The following VDAC2 variants were observed in gnomAD, a reference collection of about 807,000 sequenced individuals.
VDAC2 encodes voltage dependent anion channel 2.
Under a neutral mutation model 36.6 loss-of-function variants are expected in VDAC2, and 6 were observed. The observed-to-expected ratio is 0.16, with a 90% CI of 0.09 to 0.32. VDAC2 has a LOEUF of 0.32. Among genes scored for constraint, VDAC2 ranks in the 10% least tolerant of loss-of-function variants. The probability of loss-of-function intolerance (pLI) is 1.00; values close to 1 mark genes in which losing one functional copy is unlikely to be tolerated. For synonymous variants in VDAC2, 109 were observed against 123.8 expected, an observed-to-expected ratio of 0.88 and a Z score of 0.79; for missense variants, 247 against 346.0, an observed-to-expected ratio of 0.71 and a Z score of 2.27.
intron 6 of VDAC2, among the ~76,000 whole-genome samples, chr10:75,220,429 T>G (rs1260740534): frequency 6.6e-6 from 1 of 152,214 alleles, no homozygotes; most frequent in Admixed American, 6.5e-5. Flanking sequence ...TTTAGAATAC[T>G]ATGGTTGCTA....
chr10:75,213,953 T>G, intron 3 of VDAC2, 68 bp from the exon 4 acceptor site: 1 of 1,503,476 alleles, frequency 6.7e-7, no homozygotes, highest in Non-Finnish European at 9.2e-7. Context: ...TTATGTATAG[T>G]CAACAATTGC....
intron 8 of VDAC2, among the ~76,000 whole-genome samples, chr10:75,228,262 G>T (rs1842015308): frequency 6.9e-6 from 1 of 145,514 alleles, no homozygotes; most frequent in South Asian, 2.1e-4. Flanking sequence ...CATTAGTGAG[G>T]TATTTTTCTT....
At chr10:75,221,167 G>T in intron 7 of VDAC2, 197 bp downstream of exon 7, 1 of 557,626 alleles carries the variant, frequency 1.8e-6, no homozygotes, top group Non-Finnish European at 3.1e-6. Context: ...TGCTGAGAGA[G>T]TAAATGTTCA....
chr10:75,214,173 G>C (rs1841526018), intron 4 of VDAC2, 103 bp downstream of exon 4: 11 of 1,237,348 alleles, frequency 8.9e-6, no homozygotes, highest in African/African-American at 1.5e-5. Context: ...TTAAAGAAGA[G>C]GCAGAAGTTA....
chr10:75,225,215 C>T (rs914875912), intron 8 of VDAC2, among the ~76,000 whole-genome samples: 13 of 152,064 alleles, frequency 8.5e-5, no homozygotes, highest in Admixed American at 3.3e-4. Flanking sequence ...GCACAAGGTA[C>T]AAATAACAGT....
At chr10:75,226,866 T>C (rs143474474) in intron 8 of VDAC2, among the ~76,000 whole-genome samples, 3,285 of 152,302 alleles carry the variant, frequency 0.022, 137 homozygotes, top group African/African-American at 0.074. Flanking sequence ...GGGGTGCTGG[T>C]TGCTAGGGAA....
At chr10:75,222,818 A>G (rs1000172779) in intron 8 of VDAC2, among the ~76,000 whole-genome samples, 14 of 151,726 alleles carry the variant, frequency 9.2e-5, no homozygotes, top group Non-Finnish European at 1.2e-4. Flanking sequence ...GCCTCCTACT[A>G]TTCCCAACTA....
rs753220721 is a variant in VDAC2, at chr10:75,211,171, G to A, written c.13G>A (p.Gly5Arg). 5 of 1,613,100 alleles carry A rather than the reference G, an allele frequency of 3.1e-6. No individual in the cohort carries two copies. The highest frequency in any genetic ancestry group is 1.1e-5 in the South Asian group (1 of 90,842). The change falls in exon 2 of 10, where the codon GGA (glycine) becomes AGA (arginine). Residue 5 changes from glycine (G) to arginine (R), a missense_variant. Coordinates refer to ENST00000332211, the MANE Select transcript of VDAC2 (RefSeq NM_001391963.1). ...CCGCGGCCTCGCCATGGCGACCCAC[G>A]GACAGACTTGCGCGCGTCGTAAGTA... MATH[G>R]QTCARPMCIP...
At chr10:75,212,572 CCA>C (rs1233350685) in intron 3 of VDAC2, among the ~76,000 whole-genome samples, 4 of 152,168 alleles carry the variant, frequency 2.6e-5, no homozygotes, top group Non-Finnish European at 5.9e-5. Context: ...GCACGCTCTG[CCA>C]CACCTGGCTA....
At position 75,230,150 on chromosome 10, in the gene VDAC2, A is replaced by G. The variant is rs531672394; in HGVS notation, c.793+449A>G. 2.8e-4 allele frequency among the ~76,000 whole-genome samples: 42 copies of G among 152,262 alleles called. 2 individuals carry two copies. The South Asian group carries it at 8.3e-3, about 30-fold the overall frequency. ...CTGTGTCTAGAACAGCGCTTCTCCA[A>G]CTTCAGAGTGCACATGACTCATCTT... is the stretch of plus-strand genomic sequence containing the variant. On this transcript the variant is annotated intron_variant, in intron 9 of 9. Coordinates refer to ENST00000332211, the MANE Select transcript of VDAC2 (RefSeq NM_001391963.1).
intron 8 of VDAC2, among the ~76,000 whole-genome samples, chr10:75,223,877 G>C (rs1841887811): frequency 6.6e-6 from 1 of 152,160 alleles, no homozygotes; most frequent in South Asian, 2.1e-4. Flanking sequence ...AGAGGTCAGT[G>C]AGCTAGGTAG....
intron 4 of VDAC2, among the ~76,000 whole-genome samples, chr10:75,214,350 C>G (rs1841532217): frequency 6.6e-6 from 1 of 152,126 alleles, no homozygotes; most frequent in South Asian, 2.1e-4. Flanking sequence ...GGCAGGGAAC[C>G]CATTATTAGA....
chr10:75,211,414 T>G, intron 2 of VDAC2: 2 of 1,455,988 alleles, frequency 1.4e-6, no homozygotes, highest in Non-Finnish European at 9.1e-7. Flanking sequence ...CATGGACTTT[T>G]CAGCCTTTGT....
At chr10:75,226,738 AG>A (rs1172098896) in intron 8 of VDAC2, among the ~76,000 whole-genome samples, 1 of 152,162 alleles carries the variant, frequency 6.6e-6, no homozygotes, top group Admixed American at 6.5e-5. Context: ...CCGGGGTAAC[AG>A]GAACGAGCCA....
rs191377292 is a variant in VDAC2 at position 75,223,572 on chromosome 10, A to G, written c.735+1170A>G. 3.9e-5 allele frequency among the ~76,000 whole-genome samples: 6 copies of G among 152,290 alleles called. No individual in the cohort carries two copies. The East Asian group carries it at 1.2e-3, about 29-fold the overall frequency. The stretch of plus-strand genomic sequence containing the variant: ...CAGCAGTACCCAGAAGCATTGCTTA[A>G]TGCTCCTTGTGATATTAGGAAGTAT... On this transcript the variant is annotated intron_variant, in intron 8 of 9. Coordinates refer to ENST00000332211, the MANE Select transcript of VDAC2 (RefSeq NM_001391963.1).
chr10:75,217,133 T>C (rs1215460732), intron 4 of VDAC2, among the ~76,000 whole-genome samples: 1 of 152,120 alleles, frequency 6.6e-6, no homozygotes, highest in Non-Finnish European at 1.5e-5. Flanking sequence ...GGTGGGTACC[T>C]GAAGTCCCAG....
chr10:75,218,312 C>T (rs187275286), intron 4 of VDAC2: 27 of 152,744 alleles, frequency 1.8e-4, no homozygotes, highest in Non-Finnish European at 2.6e-4. Context: ...CACACCACCA[C>T]GCTGAGCTGG....
At chr10:75,224,214 A>G (rs1005034983) in intron 8 of VDAC2, among the ~76,000 whole-genome samples, 2 of 152,210 alleles carry the variant, frequency 1.3e-5, no homozygotes, top group Non-Finnish European at 2.9e-5. Flanking sequence ...GTCTCCAGGT[A>G]GAATTAGAGG....
At chr10:75,225,728 TTTGCATACCTC>T (rs1841933709) in intron 8 of VDAC2, among the ~76,000 whole-genome samples, 1 of 152,216 alleles carries the variant, frequency 6.6e-6, no homozygotes. Context: ...CCTGATAAAC[TTTGCATACCTC>T]ACATTCCTCA....
Sources: gnomAD v4.1 joint callset for allele counts (sites outside exome capture counted in the v4.1 genomes callset) on GRCh38, gnomAD v4.1.1 for gene constraint, MANE v1.5 for transcripts, NCBI Gene and HGNC (gene_info 2026-07-23, HGNC 2026-07-21) for gene names.